Variants in RANBP2 observed in about 807,000 individuals in gnomAD.
RANBP2 encodes the protein E3 SUMO-protein ligase RanBP2.
Under a neutral mutation model 303.6 loss-of-function variants are expected in RANBP2, and 57 were observed. The observed-to-expected ratio is 0.19, with a 90% CI of 0.15 to 0.23. The LOEUF (loss-of-function observed/expected upper bound fraction) is 0.23, where lower values mean the gene tolerates loss of function less well. Ranked by LOEUF, RANBP2 falls within the 10% of genes least tolerant of loss-of-function variation. The probability of loss-of-function intolerance (pLI) is 1.00; values close to 1 mark genes in which losing one functional copy is unlikely to be tolerated. For missense variants in RANBP2, 3,138 were observed against 3,780.8 expected, an observed-to-expected ratio of 0.83 and a Z score of 4.46; for synonymous variants, 1,167 against 1,301.5, an observed-to-expected ratio of 0.90 and a Z score of 2.23.
chr2:109,346,534 A>G, the RANBP2 span, among the ~76,000 whole-genome samples: 1 of 152,102 alleles, frequency 6.6e-6, no homozygotes, highest in East Asian at 1.9e-4. Context: ...TTCCTCTAGC[A>G]CAGGATTGAC....
At chr2:109,652,122 T>C in the RANBP2 span, among the ~76,000 whole-genome samples, 1 of 152,226 alleles carries the variant, frequency 6.6e-6, no homozygotes, top group Non-Finnish European at 1.5e-5. Flanking sequence ...TGGCAGCATT[T>C]GTCCTTACTA....
chr2:109,717,272 C>CAA, the RANBP2 span, among the ~76,000 whole-genome samples: 1,321 of 124,604 alleles, frequency 0.011, 9 homozygotes, highest in South Asian at 0.018. Flanking sequence ...AAAAACAAAC[C>CAA]AAAAAAAAAA....
chr2:109,496,422 A>G, the RANBP2 span, among the ~76,000 whole-genome samples: 1 of 152,194 alleles, frequency 6.6e-6, no homozygotes, highest in East Asian at 1.9e-4. Flanking sequence ...CTCATAAGAA[A>G]GAAAAGTTCT....
downstream of RANBP2, among the ~76,000 whole-genome samples, chr2:108,786,457 G>A (rs1163723649): frequency 2.0e-5 from 3 of 152,062 alleles, no homozygotes; most frequent in Non-Finnish European, 2.9e-5. Context: ...TGGAACGACC[G>A]GTCTATGTGG....
At chr2:109,346,912 C>T in the RANBP2 span, among the ~76,000 whole-genome samples, 2 of 152,260 alleles carry the variant, frequency 1.3e-5, no homozygotes, top group African/African-American at 4.8e-5. Flanking sequence ...CAGCAGAAAG[C>T]TGTGTGTCAT....
chr2:109,457,943 C>G, the RANBP2 span, among the ~76,000 whole-genome samples: 1 of 152,206 alleles, frequency 6.6e-6, no homozygotes, highest in African/African-American at 2.4e-5. Context: ...CCAGCACTCT[C>G]CATTTTGGTC....
the RANBP2 span, chr2:108,912,761 A>G: frequency 3.8e-6 from 6 of 1,591,586 alleles, no homozygotes; most frequent in Non-Finnish European, 5.1e-6. Flanking sequence ...AGTGGCTCCC[A>G]CACCTGCAAG....
the RANBP2 span, chr2:108,791,638 A>G: frequency 6.3e-7 from 1 of 1,590,046 alleles, no homozygotes; most frequent in Non-Finnish European, 8.6e-7. Context: ...GCTATAGTAA[A>G]CTTCTAGATT....
the RANBP2 span, chr2:109,615,279 C>T: frequency 2.5e-6 from 4 of 1,586,938 alleles, no homozygotes; most frequent in South Asian, 1.1e-5. Flanking sequence ...CTCCGTGACG[C>T]TGGACCCCCT....
At chr2:109,076,870 T>C in the RANBP2 span, among the ~76,000 whole-genome samples, 1 of 150,528 alleles carries the variant, frequency 6.6e-6, no homozygotes, top group African/African-American at 2.4e-5. Context: ...TAAGGGCATT[T>C]TTCTCAGAAA....
chr2:109,453,316 A>T, the RANBP2 span, among the ~76,000 whole-genome samples: 1 of 151,796 alleles, frequency 6.6e-6, no homozygotes, highest in Non-Finnish European at 1.5e-5. Flanking sequence ...CAAGTTACAC[A>T]GTAGAACTCA....
chr2:108,729,079 A>G lies in RANBP2; in HGVS notation c.73-53A>G, dbSNP rs185251250. 17 of 1,535,320 alleles carry G rather than the reference A, an allele frequency of 1.1e-5. No homozygotes were observed. In the Admixed American group the frequency reaches 2.0e-4, roughly 18 times the overall value. On this transcript the variant is annotated intron_variant, in intron 1 of 28. Transcript: ENST00000283195. The stretch of plus-strand genomic sequence containing the variant: ...ACAGATTTTTACTACTTTTGAAAAA[A>G]TGTTGGAAAATATTTCTGTATGAAA...
chr2:109,651,075 T>TTTCTCCTTCATACACCAAC, the RANBP2 span, among the ~76,000 whole-genome samples: 6 of 152,056 alleles, frequency 3.9e-5, no homozygotes, highest in African/African-American at 9.7e-5. Flanking sequence ...CCAGGACCAA[T>TTTCTCCTTCATACACCAAC]TTCTCCTTCA....
At chr2:109,014,170 T>C in the RANBP2 span, among the ~76,000 whole-genome samples, 1 of 152,180 alleles carries the variant, frequency 6.6e-6, no homozygotes. Flanking sequence ...ATAATAATGG[T>C]CTCCCCCATG....
chr2:109,065,454 C>T, the RANBP2 span, among the ~76,000 whole-genome samples: 5 of 152,152 alleles, frequency 3.3e-5, no homozygotes, highest in Non-Finnish European at 5.9e-5. Context: ...CTCCCAACCC[C>T]GCAGCATCCT....
the RANBP2 span, among the ~76,000 whole-genome samples, chr2:108,999,142 A>G: frequency 6.6e-5 from 10 of 152,210 alleles, no homozygotes; most frequent in Non-Finnish European, 1.5e-4. Flanking sequence ...GGTGCCGACA[A>G]GCTGCATTCT....
chr2:109,730,371 C>T, the RANBP2 span, among the ~76,000 whole-genome samples: 4 of 152,236 alleles, frequency 2.6e-5, no homozygotes, highest in South Asian at 8.3e-4. Context: ...AAAGAGCATC[C>T]AGTTGACTTG....
the RANBP2 span, among the ~76,000 whole-genome samples, chr2:108,827,454 G>T: frequency 2.0e-5 from 3 of 152,288 alleles, no homozygotes; most frequent in Middle Eastern, 0.01. Context: ...AAGGGATTTT[G>T]CATGTGCTGG....
the RANBP2 span, among the ~76,000 whole-genome samples, chr2:109,253,333 G>A: frequency 1.3e-5 from 2 of 152,180 alleles, no homozygotes; most frequent in African/African-American, 4.8e-5. Context: ...CTTTAAATTT[G>A]ATTAAGGTGC....
Sources: gnomAD v4.1 joint callset for allele counts (sites outside exome capture counted in the v4.1 genomes callset) on GRCh38, gnomAD v4.1.1 for gene constraint, MANE v1.5 for transcripts, NCBI Gene and HGNC (gene_info 2026-07-23, HGNC 2026-07-21) for gene names.